The following CDH17 variants were observed in gnomAD, a reference collection of about 807,000 sequenced individuals.
The protein encoded by CDH17 is cadherin 17.
Under a neutral mutation model 86.3 loss-of-function variants are expected in CDH17, and 67 were observed. That is an observed-to-expected ratio of 0.78 (90% CI 0.64 to 0.95). The LOEUF (loss-of-function observed/expected upper bound fraction) is 0.95. CDH17 is among the 40% of genes least tolerant of loss of function. CDH17 has a pLI of 0.00. For missense variants in CDH17, 993 were observed against 1,017.6 expected (o/e 0.98, Z 0.33); for synonymous variants, 367 against 366.4 (o/e 1.00, Z -0.02).
At chr8:94,203,597 T>C (rs181140593) in intron 1 of CDH17, among the ~76,000 whole-genome samples, 22 of 152,354 alleles carry the variant, frequency 1.4e-4, no homozygotes, top group Non-Finnish European at 1.5e-5. Flanking sequence ...TTGGTCTGGC[T>C]CACAGATCTC....
chr8:94,156,863 T>C (rs189146373), intron 12 of CDH17, among the ~76,000 whole-genome samples: 2 of 152,316 alleles, frequency 1.3e-5, no homozygotes, highest in East Asian at 3.9e-4. Flanking sequence ...ACATCCTTAC[T>C]AGAAAGGTGC....
chr8:94,149,753 T>C (rs977139089), intron 13 of CDH17, among the ~76,000 whole-genome samples: 1 of 152,184 alleles, frequency 6.6e-6, no homozygotes, highest in Non-Finnish European at 1.5e-5. Flanking sequence ...CAGCCAATGA[T>C]TTAAGCAAGA....
At chr8:94,162,230 A>G in intron 10 of CDH17, 68 bp from the exon 11 acceptor site, 1 of 1,033,214 alleles carries the variant, frequency 9.7e-7, no homozygotes, top group South Asian at 1.3e-5. Flanking sequence ...AGAAATCTGC[A>G]AGAAAATACT....
chr8:94,157,634 G>T (rs1049556582), intron 12 of CDH17, among the ~76,000 whole-genome samples: 6 of 152,154 alleles, frequency 3.9e-5, no homozygotes, highest in African/African-American at 1.4e-4. Context: ...TGCACTTTGG[G>T]CCATGCACAG....
intron 1 of CDH17, among the ~76,000 whole-genome samples, chr8:94,208,158 A>G (rs1457326522): frequency 6.6e-6 from 1 of 152,206 alleles, no homozygotes; most frequent in Non-Finnish European, 1.5e-5. Context: ...TTATATACTC[A>G]TCACAAAGAA....
intron 14 of CDH17, among the ~76,000 whole-genome samples, chr8:94,146,435 C>T (rs1812746260): frequency 6.6e-6 from 1 of 152,186 alleles, no homozygotes; most frequent in South Asian, 2.1e-4. Context: ...GTAACTTGCC[C>T]AAGGCAGAGA....
rs116120104 is a variant in CDH17, at chr8:94,171,039, G to A, written c.784-54C>T. 1.5e-3 allele frequency: 2,227 copies of A among 1,526,338 alleles called. 32 individuals carry two copies. The African/African-American group carries it at 0.027, about 19-fold the overall frequency. 94.5% of individuals were successfully genotyped at this position (1,526,338 alleles called of 1,614,324 possible). ...AAGCTGTATTTGGACTGAGAGAACT[G>A]GAAAGGAAATAATTTTCTAGTTCTC... On this transcript the variant is annotated intron_variant, in intron 7 of 17. Coordinates refer to ENST00000027335, the MANE Select transcript of CDH17 (RefSeq NM_004063.4).
At chr8:94,171,998 C>T (rs1350795384) in intron 7 of CDH17, among the ~76,000 whole-genome samples, 12 of 118,820 alleles carry the variant, frequency 1.0e-4, no homozygotes, top group Non-Finnish European at 2.1e-4. Context: ...TCCCCCTCCT[C>T]CCCCTCCTCC....
chr8:94,176,701 C>T, intron 4 of CDH17, 22 bp from the exon 5 acceptor site: 1 of 1,605,124 alleles, frequency 6.2e-7, no homozygotes, highest in Non-Finnish European at 8.5e-7. Context: ...GAAAAGGAAA[C>T]CATGTTGGTG....
chr8:94,157,509 G>A (rs190988588), intron 12 of CDH17, among the ~76,000 whole-genome samples: 114 of 152,286 alleles, frequency 7.5e-4, no homozygotes, highest in African/African-American at 2.7e-3. Context: ...TATCCCAGAG[G>A]TAGCTATGAT....
chr8:94,200,537 G>GTTTTTTTTTTTTTTTTTTTTT (rs10600702), intron 1 of CDH17, among the ~76,000 whole-genome samples: 1 of 56,914 alleles, frequency 1.8e-5, no homozygotes, highest in Non-Finnish European at 2.9e-5. Flanking sequence ...ATTATCTTTT[G>GTTTTTTTTTTTTTTTTTTTTT]TTTTTTTTTT....
intron 8 of CDH17, 87 bp from the exon 9 acceptor site, chr8:94,170,634 A>C: frequency 1.4e-6 from 2 of 1,450,866 alleles, no homozygotes; most frequent in Non-Finnish European, 1.9e-6. Context: ...TTTCTATGTC[A>C]TTTACTCCCT....
intron 2 of CDH17, among the ~76,000 whole-genome samples, chr8:94,193,022 C>A (rs1175894173): frequency 1.3e-5 from 2 of 152,168 alleles, no homozygotes; most frequent in African/African-American, 4.8e-5. Context: ...AAGTGGCTCC[C>A]TCCCAACACC....
rs542056751 is a variant in CDH17 at position 94,128,159 on chromosome 8, C to T, written c.*81G>A. On this transcript the variant is annotated 3_prime_UTR_variant, in exon 18 of 18. Transcript: ENST00000027335. The stretch of plus-strand genomic sequence containing the variant: ...TATCTGTTTAAAAAATTATAATGCA[C>T]GTTAGATGAAAAGTAATAGGATGAG... The T allele has an allele frequency of 5.6e-5, 48 of 852,486 alleles. No individual in the cohort carries two copies. Among genetic ancestry groups the T allele is most frequent in the South Asian group, 1.4e-4 (10 of 69,900 alleles). 52.8% of individuals were successfully genotyped at this position (852,486 alleles called of 1,614,324 possible).
chr8:94,162,628 C>T (rs35750959), intron 10 of CDH17, among the ~76,000 whole-genome samples: 42,933 of 152,050 alleles, frequency 0.28, 6,218 homozygotes, highest in Non-Finnish European at 0.32. Flanking sequence ...ATGGTGAGGT[C>T]CAAGGGCCTG....
At chr8:94,207,696 A>G (rs922451599) in intron 1 of CDH17, among the ~76,000 whole-genome samples, 7 of 152,224 alleles carry the variant, frequency 4.6e-5, no homozygotes, top group Non-Finnish European at 1.0e-4. Flanking sequence ...TGTCCTTCCA[A>G]TCTGCTGCTT....
intron 1 of CDH17, among the ~76,000 whole-genome samples, chr8:94,198,673 T>C (rs987116535): frequency 1.3e-5 from 2 of 152,098 alleles, no homozygotes; most frequent in Non-Finnish European, 2.9e-5. Flanking sequence ...CAGTCACACC[T>C]CCACCCAGAT....
rs1586254651 is a variant in CDH17 at position 94,165,811 on chromosome 8, T to C, written c.1232A>G (p.Lys411Arg). 1.2e-6 allele frequency: 2 copies of C among 1,613,892 alleles called. No individual in the cohort carries two copies. The highest frequency in any genetic ancestry group is 2.7e-5 in the African/African-American group (2 of 74,940). Reference protein sequence around the residue: ...GMLQLAKQSLKKQDTPQYNLT... With the variant: ...GMLQLAKQSLRKQDTPQYNLT... ...GTTGTACTGAGGAGTATCTTGCTTC[T>C]TCAAGGACTGTTTAGCTAACTGTAA... Residue 411 changes from lysine to arginine, a missense_variant, in exon 10 of 18, where the codon AAG (lysine) becomes AGG (arginine). Coordinates refer to ENST00000027335, the MANE Select transcript of CDH17 (RefSeq NM_004063.4).
chr8:94,145,019 A>C (rs1812713286), intron 15 of CDH17, among the ~76,000 whole-genome samples: 2 of 152,206 alleles, frequency 1.3e-5, no homozygotes, highest in Non-Finnish European at 2.9e-5. Flanking sequence ...GTGCTGGGAG[A>C]ATGCTGAGCA....
Sources: gnomAD v4.1 joint callset for allele counts (sites outside exome capture counted in the v4.1 genomes callset) on GRCh38, gnomAD v4.1.1 for gene constraint, MANE v1.5 for transcripts, NCBI Gene and HGNC (gene_info 2026-07-23, HGNC 2026-07-21) for gene names.